PCNX2: variants seen among roughly 807,000 people sequenced by gnomAD.
PCNX2 encodes the protein pecanex 2, also known as pecanex-like protein 2.
In PCNX2, 168 loss-of-function variants were observed where a neutral mutation model predicts 223.8. The observed-to-expected ratio is 0.75, with a 90% CI of 0.66 to 0.85. PCNX2 has a LOEUF of 0.85. Among genes scored for constraint, PCNX2 ranks in the 40% least tolerant of loss-of-function variants. The pLI, the probability that PCNX2 is intolerant of heterozygous loss-of-function variation, is 0.00. For synonymous variants in PCNX2, 1,006 were observed against 1,052.6 expected (o/e 0.96, Z 0.86); for missense variants, 2,507 against 2,675.5 (o/e 0.94, Z 1.39).
At chr1:232,992,016 G>T (rs534727817) in intron 32 of PCNX2, among the ~76,000 whole-genome samples, 16 of 152,216 alleles carry the variant, frequency 1.1e-4, no homozygotes, top group Non-Finnish European at 2.2e-4. Context: ...GGAGATTTAC[G>T]ATTTTGTGTG....
At chr1:233,245,742 G>A (rs1248164303) in intron 8 of PCNX2, among the ~76,000 whole-genome samples, 1 of 152,048 alleles carries the variant, frequency 6.6e-6, no homozygotes, top group Non-Finnish European at 1.5e-5. Context: ...TTGAATCCCC[G>A]TCTCTACTAA....
the PCNX2 span, among the ~76,000 whole-genome samples, chr1:233,316,432 C>T: frequency 6.6e-6 from 1 of 152,044 alleles, no homozygotes; most frequent in African/African-American, 2.4e-5. Context: ...TTTAACCTGT[C>T]ACTAAACTGA....
chr1:233,065,150 T>C (rs538677372), intron 23 of PCNX2, among the ~76,000 whole-genome samples: 2 of 152,332 alleles, frequency 1.3e-5, no homozygotes, highest in South Asian at 2.1e-4. Flanking sequence ...TATTATCCTA[T>C]AGATAAACTG....
chr1:233,248,014 T>C (rs1659226701), intron 8 of PCNX2, among the ~76,000 whole-genome samples: 1 of 152,100 alleles, frequency 6.6e-6, no homozygotes, highest in Admixed American at 6.5e-5. Context: ...GAAGTTGCTA[T>C]CTGAGACTGG....
chr1:233,208,462 G>A, intron 13 of PCNX2, 56 bp downstream of exon 13: 8 of 1,520,326 alleles, frequency 5.3e-6, no homozygotes, highest in Non-Finnish European at 7.2e-6. Flanking sequence ...AGAAGACAAA[G>A]GGGAGACATA....
chr1:233,302,661 C>A, the PCNX2 span, among the ~76,000 whole-genome samples: 1 of 88,276 alleles, frequency 1.1e-5, no homozygotes. Context: ...TATATATATA[C>A]AGTTAAATCT....
At chr1:233,298,081 G>A (rs1466070892), upstream of PCNX2, among the ~76,000 whole-genome samples, 1 of 152,104 alleles carries the variant, frequency 6.6e-6, no homozygotes, top group Admixed American at 6.6e-5. Flanking sequence ...GAAGCTTAGG[G>A]GAGGTTTCTG....
intron 21 of PCNX2, among the ~76,000 whole-genome samples, chr1:233,104,860 G>T (rs1341759466): frequency 6.6e-6 from 1 of 152,048 alleles, no homozygotes; most frequent in African/African-American, 2.4e-5. Flanking sequence ...AATAACAATT[G>T]TAATAATCAC....
At position 232,986,104 on chromosome 1, in the gene PCNX2, G is replaced by A; in HGVS notation, c.6228C>T (p.Ser2076=). The A allele has an allele frequency of 6.4e-7, 1 of 1,563,030 alleles. No homozygotes were observed. Among genetic ancestry groups the A allele is most frequent in the South Asian group, 1.2e-5 (1 of 84,844 alleles). Residue 2076 remains serine, a synonymous_variant, in exon 33 of 34, where the codon AGC becomes AGT. Coordinates refer to ENST00000258229, the MANE Select transcript of PCNX2 (RefSeq NM_014801.4). ...IVMGPSARAA[S]QATRHLSEPC... ...CCCAGCCCCTTACCCGAGTGGCCTG[G>A]CTGGCAGCCCTGGCTGAGGGGCCCA...
chr1:233,279,727 A>G (rs1023488911), intron 1 of PCNX2, among the ~76,000 whole-genome samples: 9 of 152,188 alleles, frequency 5.9e-5, no homozygotes, highest in African/African-American at 2.2e-4. Flanking sequence ...TACATATATA[A>G]TAATTTCAAA....
chr1:233,021,966 G>A (rs1358135159), intron 26 of PCNX2, among the ~76,000 whole-genome samples: 1 of 152,152 alleles, frequency 6.6e-6, no homozygotes. Context: ...TCCAATCATG[G>A]AACCTCCAAG....
intron 23 of PCNX2, among the ~76,000 whole-genome samples, chr1:233,066,753 A>G (rs779671969): frequency 6.6e-6 from 1 of 152,218 alleles, no homozygotes. Flanking sequence ...TCACCAGCAA[A>G]GACTGAGTGA....
Position 233,000,462 on chromosome 1 carries a change from T to G in PCNX2, c.5171A>C (p.Lys1724Thr), listed in dbSNP as rs773325824. 6.3e-7 allele frequency: 1 copy of G among 1,597,334 alleles called. No individual in the cohort carries two copies. Among genetic ancestry groups the G allele is most frequent in the African/African-American group, 1.3e-5 (1 of 74,530 alleles). The change falls in exon 30 of 34, where the codon AAG (lysine) becomes ACG (threonine). Residue 1724 changes from lysine (K) to threonine (T), a missense_variant. Around this residue, in one of 3 missense-constraint regions of PCNX2, gnomAD observed 1,372 missense variants for 1,509.4 expected, o/e 0.91. Coordinates refer to ENST00000258229, the MANE Select transcript of PCNX2 (RefSeq NM_014801.4). The surrounding 1 kb of genome is among the most constrained non-coding windows in gnomAD (Gnocchi z 4.6). ...GTCGCCCTCGTGGCAGATGACCACC[T>G]TCTTCTCGAAGGACTGGATGGCCTC... ...LYEAIQSFEKKVVICHEGDPA... is the reference protein window; with the variant it reads ...LYEAIQSFEKTVVICHEGDPA...
At chr1:233,245,334 G>A (rs1659043036) in intron 8 of PCNX2, among the ~76,000 whole-genome samples, 1 of 152,266 alleles carries the variant, frequency 6.6e-6, no homozygotes, top group African/African-American at 2.4e-5. Context: ...GAATTTCAGA[G>A]AGGACTGAGA....
At chr1:233,201,921 T>C (rs1681137984) in intron 13 of PCNX2, 1 of 185,400 alleles carries the variant, frequency 5.4e-6, no homozygotes, top group South Asian at 1.0e-4. Context: ...TCCCTGGAGA[T>C]GCTCTGGCTG....
chr1:232,994,406 GA>G, intron 32 of PCNX2, among the ~76,000 whole-genome samples: 1 of 152,382 alleles, frequency 6.6e-6, no homozygotes, highest in East Asian at 1.9e-4. Context: ...CTTCCATTTG[GA>G]ATGGGGACAT....
chr1:233,320,856 G>A, the PCNX2 span, among the ~76,000 whole-genome samples: 3 of 152,098 alleles, frequency 2.0e-5, no homozygotes, highest in Non-Finnish European at 4.4e-5. Flanking sequence ...AGTCTTGTAA[G>A]TATTTGAAAA....
At chr1:233,057,146 G>A (rs1385598603) in intron 24 of PCNX2, 86 bp downstream of exon 24, 2 of 1,138,300 alleles carry the variant, frequency 1.8e-6, no homozygotes, top group African/African-American at 1.5e-5. Context: ...TCCACAATGA[G>A]TACAGAGTGA....
chr1:233,298,979 G>T (rs543302782), upstream of PCNX2, among the ~76,000 whole-genome samples: 97 of 152,332 alleles, frequency 6.4e-4, no homozygotes, highest in South Asian at 6.2e-4. Context: ...TAATGCATAT[G>T]TTGGAGACTC....
Sources: allele counts gnomAD v4.1 joint callset (sites outside exome capture counted in the v4.1 genomes callset), GRCh38; gene constraint gnomAD v4.1.1; regional missense constraint gnomAD v4.1.1; non-coding constraint Gnocchi (gnomAD v3.1); transcripts MANE v1.5; gene names NCBI Gene and HGNC (gene_info 2026-07-23, HGNC 2026-07-21).